The following ATG2B variants were observed in gnomAD, a reference collection of about 807,000 sequenced individuals.
ATG2B encodes autophagy related 2B.
A neutral mutation model predicts 241.3 loss-of-function variants in ATG2B; 121 were observed. The observed-to-expected ratio is 0.50, with a 90% confidence interval of 0.43 to 0.58. ATG2B has a LOEUF of 0.58. ATG2B is among the 20% of genes least tolerant of loss of function. The probability of loss-of-function intolerance (pLI) is 0.00; values close to 1 mark genes in which losing one functional copy is unlikely to be tolerated. For missense variants in ATG2B, 2,306 were observed against 2,491.6 expected, an observed-to-expected ratio of 0.93 and a Z score of 1.59; for synonymous variants, 858 against 876.6, an observed-to-expected ratio of 0.98 and a Z score of 0.37.
chr14:96,296,424 A>G (rs1490190240), intron 34 of ATG2B, among the ~76,000 whole-genome samples: 1 of 152,038 alleles, frequency 6.6e-6, no homozygotes, highest in East Asian at 1.9e-4. Context: ...CTTCGAGGAT[A>G]TATTTGTATA....
At chr14:96,326,885 T>G (rs1887600330) in intron 14 of ATG2B, among the ~76,000 whole-genome samples, 1 of 152,168 alleles carries the variant, frequency 6.6e-6, no homozygotes, top group South Asian at 2.1e-4. Flanking sequence ...ACAAATCTAT[T>G]CTAACTCTCC....
chr14:96,314,712 G>A (rs1287003881), intron 23 of ATG2B, among the ~76,000 whole-genome samples: 6 of 151,538 alleles, frequency 4.0e-5, no homozygotes, highest in Admixed American at 3.9e-4. Flanking sequence ...GTTTTGTTTT[G>A]TTTTTTGAGA....
Position 96,311,125 on chromosome 14 carries a change from T to G in ATG2B, c.4153A>C (p.Arg1385=). 1 of 1,611,826 alleles carries G rather than the reference T, an allele frequency of 6.2e-7. No individual in the cohort carries two copies. The highest frequency in any genetic ancestry group is 8.5e-7 in the Non-Finnish European group (1 of 1,178,762). Residue 1385 remains arginine (R), a synonymous_variant, in exon 28 of 42, where the codon AGG becomes CGG. Coordinates refer to ENST00000359933, the MANE Select transcript of ATG2B (RefSeq NM_018036.7). ...ADMKPGAFQR[R]SKVDSSGRSS... is the part of the protein sequence containing the mutation. ...CACATTGCTGACTGTACCTTAGACCTTCTTTGAAAGGCTCCAGGCTTCATA... is the reference window on the plus strand; with the variant it reads ...CACATTGCTGACTGTACCTTAGACCGTCTTTGAAAGGCTCCAGGCTTCATA...
At chr14:96,336,475 C>T (rs551428250) in intron 6 of ATG2B, among the ~76,000 whole-genome samples, 3 of 152,190 alleles carry the variant, frequency 2.0e-5, no homozygotes, top group Non-Finnish European at 4.4e-5. Flanking sequence ...AATGCCACTA[C>T]GCAGTTTTTC....
chr14:96,347,328 A>G lies in ATG2B; in HGVS notation c.176T>C (p.Ile59Thr). The G allele has an allele frequency of 6.3e-7, 1 of 1,581,500 alleles. No individual in the cohort carries two copies. The highest frequency in any genetic ancestry group is 8.7e-7 in the Non-Finnish European group (1 of 1,155,896). ...VPLDKWCLNEILESADAPLEV... is the reference protein window; with the variant it reads ...VPLDKWCLNETLESADAPLEV... ...TAAGGGTGCATCTGCTGACTCCAAG[A>G]TCTCATTGAGACACTAAGGAGAAAA... The change falls in exon 2 of 42, where the codon ATC (isoleucine) becomes ACC (threonine). Residue 59 changes from isoleucine (I) to threonine (T), a missense_variant. By Grantham distance (89) the Ile-to-Thr change is moderately conservative. Around this residue, in one of 2 missense-constraint regions of ATG2B, gnomAD observed 1,927 missense variants for 2,011.2 expected, o/e 0.96. Coordinates refer to ENST00000359933, the MANE Select transcript of ATG2B (RefSeq NM_018036.7).
intron 18 of ATG2B, 52 bp from the exon 19 acceptor site, chr14:96,317,907 G>A: frequency 3.9e-6 from 5 of 1,276,900 alleles, no homozygotes; most frequent in East Asian, 2.6e-5. Context: ...TTCAACAGAA[G>A]GCAAACTTAA....
At chr14:96,340,925 CGAAAA>C (rs1888017228) in intron 6 of ATG2B, among the ~76,000 whole-genome samples, 1 of 38,292 alleles carries the variant, frequency 2.6e-5, no homozygotes, top group African/African-American at 1.2e-4. Flanking sequence ...GACCCCATCT[CGAAAA>C]AAAAAAAAAA....
chr14:96,330,445 A>G (rs1887703046), intron 11 of ATG2B, among the ~76,000 whole-genome samples: 1 of 152,152 alleles, frequency 6.6e-6, no homozygotes, highest in Non-Finnish European at 1.5e-5. Context: ...TTCACATTAA[A>G]ATTGTAAAAC....
rs1165786579 is a variant in ATG2B, at chr14:96,282,952, T to G, written c.*2803A>C. On this transcript the variant is annotated 3_prime_UTR_variant, in exon 42 of 42. Coordinates refer to ENST00000359933, the MANE Select transcript of ATG2B (RefSeq NM_018036.7). Reference sequence around the variant, plus strand: ...TAAAAATATTGATAAATATATGTACTTAAGCGAGAATCCAAATCGTACCCA... The same window carrying G: ...TAAAAATATTGATAAATATATGTACGTAAGCGAGAATCCAAATCGTACCCA... 6.6e-6 allele frequency: 1 copy of G among 152,232 alleles called. No homozygotes were observed. The highest frequency in any genetic ancestry group is 2.4e-5 in the African/African-American group (1 of 41,462). The allele number at this position is 152,232 out of a possible 1,614,324, so 9.4% of individuals were successfully genotyped here.
chr14:96,294,817 C>T, intron 36 of ATG2B, 143 bp downstream of exon 36: 3 of 717,816 alleles, frequency 4.2e-6, no homozygotes, highest in Non-Finnish European at 6.8e-6. Flanking sequence ...ATGGGGACCA[C>T]AAACAGATAA....
intron 11 of ATG2B, among the ~76,000 whole-genome samples, 200 bp from the exon 12 acceptor site, chr14:96,329,834 A>G (rs1887685199): frequency 6.6e-6 from 1 of 152,182 alleles, no homozygotes; most frequent in Admixed American, 6.5e-5. Context: ...ATTTCCCAAC[A>G]CTGCCCTTCG....
chr14:96,283,403 G>A lies in ATG2B; in HGVS notation c.*2352C>T, dbSNP rs1482508986. The A allele has an allele frequency of 6.6e-6, 1 of 152,324 alleles. No individual in the cohort carries two copies. Among genetic ancestry groups the A allele is most frequent in the East Asian group, 1.9e-4 (1 of 5,194 alleles). The allele number at this position is 152,324 out of a possible 1,614,324, so 9.4% of individuals were successfully genotyped here. ...GGCTGCTCCGCGTGTGATGTCGCCA[G>A]AGAGGACTCTCACTGGACGAGGCCC... On this transcript the variant is annotated 3_prime_UTR_variant, in exon 42 of 42. Coordinates refer to ENST00000359933, the MANE Select transcript of ATG2B (RefSeq NM_018036.7).
chr14:96,319,713 T>C (rs766487544), intron 18 of ATG2B, among the ~76,000 whole-genome samples: 1 of 152,242 alleles, frequency 6.6e-6, no homozygotes, highest in African/African-American at 2.4e-5. Context: ...TAATGTAGAA[T>C]GTCCTTGTAT....
In ATG2B at chr14:96,345,224, A is replaced by G. The variant is rs1888139776; in HGVS notation, c.478+9T>C. ...TCTAAATTTTTGAAAATTCTCAGTA[A>G]CACCAAACCTGTTTCAATGGTTTCA... On this transcript the variant is annotated intron_variant, in intron 3 of 41. Transcript: ENST00000359933. 2 of 1,599,424 alleles carry G rather than the reference A, an allele frequency of 1.3e-6. No homozygotes were observed. The highest frequency in any genetic ancestry group is 2.7e-5 in the African/African-American group (2 of 73,818).
chr14:96,319,767 G>A (rs1887412275), intron 18 of ATG2B, among the ~76,000 whole-genome samples: 1 of 152,182 alleles, frequency 6.6e-6, no homozygotes, highest in African/African-American at 2.4e-5. Flanking sequence ...AGGGACTCAG[G>A]TCAGCAACTT....
Position 96,313,266 on chromosome 14 carries a change from AT to A in ATG2B, c.3749+62del. Reference sequence around the variant, plus strand: ...GAACCTTAACTCTACTGAATTATGTATTTTTTTCAAAATTTAGTAGCATTTT... The same window carrying A: ...GAACCTTAACTCTACTGAATTATGTATTTTTTCAAAATTTAGTAGCATTTT... On this transcript the variant is annotated intron_variant, in intron 24 of 41. Coordinates refer to ENST00000359933, the MANE Select transcript of ATG2B (RefSeq NM_018036.7). 6 of 1,407,380 alleles carry A rather than the reference AT, an allele frequency of 4.3e-6. No individual in the cohort carries two copies. The East Asian group carries it at 6.9e-5, about 16-fold the overall frequency. 87.2% of individuals were successfully genotyped at this position (1,407,380 alleles called of 1,614,324 possible). A position where few individuals can be genotyped will look rare whatever the true frequency, so the allele number is the denominator to read the frequency against.
intron 1 of ATG2B, among the ~76,000 whole-genome samples, chr14:96,354,544 C>A (rs1304376331): frequency 6.6e-6 from 1 of 152,172 alleles, no homozygotes; most frequent in Admixed American, 6.5e-5. Context: ...TGGGTTGATT[C>A]CGTGTCTTTG....
intron 1 of ATG2B, among the ~76,000 whole-genome samples, chr14:96,359,524 A>G (rs949866572): frequency 2.6e-5 from 4 of 152,232 alleles, no homozygotes; most frequent in African/African-American, 9.6e-5. Flanking sequence ...CAATAAATGT[A>G]CTGAATCGAT....
At chr14:96,346,893 C>T (rs1312296499) in intron 2 of ATG2B, among the ~76,000 whole-genome samples, 1 of 152,138 alleles carries the variant, frequency 6.6e-6, no homozygotes, top group Admixed American at 6.5e-5. Flanking sequence ...CTTTCTGGCA[C>T]AATACTTTTT....
Sources: gnomAD v4.1 joint callset for allele counts (sites outside exome capture counted in the v4.1 genomes callset) on GRCh38, gnomAD v4.1.1 for gene constraint, gnomAD v4.1.1 regional missense constraint, MANE v1.5 for transcripts, NCBI Gene and HGNC (gene_info 2026-07-23, HGNC 2026-07-21) for gene names.